The following SCFD2 variants were observed in gnomAD, a reference collection of about 807,000 sequenced individuals.
SCFD2 encodes sec1 family domain-containing protein 2.
A neutral mutation model predicts 58.9 loss-of-function variants in SCFD2; 54 were observed. The observed-to-expected ratio is 0.92, with a 90% CI of 0.74 to 1.15. The LOEUF is 1.15. Among genes scored for constraint, SCFD2 ranks in the 50% most tolerant of loss-of-function variants. The pLI, the probability that SCFD2 is intolerant of heterozygous loss-of-function variation, is 0.00. For missense variants in SCFD2, 805 were observed against 836.6 expected, an observed-to-expected ratio of 0.96 and a Z score of 0.47; for synonymous variants, 321 against 335.9, an observed-to-expected ratio of 0.96 and a Z score of 0.49.
At chr4:53,332,671 C>G (rs559330356) in intron 2 of SCFD2, among the ~76,000 whole-genome samples, 56 of 152,220 alleles carry the variant, frequency 3.7e-4, no homozygotes, top group African/African-American at 1.2e-3. Flanking sequence ...GGAAGCATTC[C>G]TTTTGAAAAC....
intron 5 of SCFD2, among the ~76,000 whole-genome samples, chr4:52,940,258 A>G (rs1577843763): frequency 6.6e-6 from 1 of 152,004 alleles, no homozygotes; most frequent in East Asian, 1.9e-4. Flanking sequence ...CCCCTTTAAA[A>G]CCCAGCCAAG....
Position 53,058,414 on chromosome 4 carries a change from TACATATAA to T in SCFD2, c.1561+86911_1561+86918del. 2.6e-5 allele frequency among the ~76,000 whole-genome samples: 4 copies of T among 152,224 alleles called. No homozygotes were observed. In the South Asian group the frequency reaches 8.3e-4, roughly 32 times the overall value. On this transcript the variant is annotated intron_variant, in intron 5 of 8. Coordinates refer to ENST00000401642, the MANE Select transcript of SCFD2 (RefSeq NM_152540.4). ...AGTTAACTGTATATTTAGCTTCAAA[TACATATAA>T]TGTCTCGGGGAAAGTAGCCATTTTA...
chr4:53,281,559 G>T (rs545686984), intron 3 of SCFD2, among the ~76,000 whole-genome samples: 54 of 152,240 alleles, frequency 3.5e-4, no homozygotes, highest in African/African-American at 1.3e-3. Context: ...TATGAGTTTC[G>T]TAAATAATGT....
At chr4:53,212,945 C>A (rs969232650) in intron 4 of SCFD2, among the ~76,000 whole-genome samples, 2 of 151,678 alleles carry the variant, frequency 1.3e-5, no homozygotes, top group African/African-American at 4.9e-5. Context: ...GAAAAGCCAG[C>A]AAACTAGGTG....
At chr4:53,021,990 T>C (rs1198116735) in intron 5 of SCFD2, among the ~76,000 whole-genome samples, 2 of 151,888 alleles carry the variant, frequency 1.3e-5, no homozygotes, top group African/African-American at 4.8e-5. Flanking sequence ...GTGTGAAAAA[T>C]GAGGAGGGGG....
At chr4:53,322,165 G>A (rs765604849) in intron 2 of SCFD2, among the ~76,000 whole-genome samples, 3 of 152,136 alleles carry the variant, frequency 2.0e-5, no homozygotes, top group Non-Finnish European at 4.4e-5. Context: ...TAAGTCACAG[G>A]ATGAGATAGG....
Position 52,873,714 on chromosome 4 carries a change from G to T in SCFD2, c.*255C>A, listed in dbSNP as rs1348054582. On this transcript the variant is annotated 3_prime_UTR_variant, in exon 9 of 9. Transcript: ENST00000401642. ...CAGAGGGTTAAGGATAAATGGAAAC[G>T]ATCACTAATTGGACTCGCCAAAAGA... 6.8e-6 allele frequency: 2 copies of T among 296,044 alleles called. No individual in the cohort carries two copies. Among genetic ancestry groups the T allele is most frequent in the Non-Finnish European group, 1.3e-5 (2 of 157,934 alleles). The allele number at this position is 296,044 out of a possible 1,614,324, so 18.3% of individuals were successfully genotyped here.
chr4:53,238,321 C>T (rs1349909939), intron 4 of SCFD2, among the ~76,000 whole-genome samples: 1 of 74,908 alleles, frequency 1.3e-5, no homozygotes, highest in Non-Finnish European at 2.7e-5. Flanking sequence ...CCCCCCACCT[C>T]CCTCCTGGAC....
rs188387518 is a variant in SCFD2 at position 53,175,659 on chromosome 4, C to T, written c.1312-30077G>A. Among the ~76,000 whole-genome samples, 46 of 152,276 alleles carry T rather than the reference C, an allele frequency of 3.0e-4. No homozygotes were observed. The East Asian group carries it at 8.7e-3, about 29-fold the overall frequency. ...TGACTAATTTAGGACACTTTGGCAT[C>T]TTTAAAATTGTCTCCATGAATAATT... On this transcript the variant is annotated intron_variant, in intron 4 of 8. Coordinates refer to ENST00000401642, the MANE Select transcript of SCFD2 (RefSeq NM_152540.4).
intron 5 of SCFD2, among the ~76,000 whole-genome samples, chr4:52,962,546 G>T (rs1720874826): frequency 6.6e-6 from 1 of 152,172 alleles, no homozygotes; most frequent in Non-Finnish European, 1.5e-5. Context: ...GCTGGGCTGG[G>T]AATGGGGTGG....
At chr4:53,247,867 CAAAAAAAAAAAA>C (rs35585900) in intron 4 of SCFD2, among the ~76,000 whole-genome samples, 9 of 54,510 alleles carry the variant, frequency 1.7e-4, no homozygotes, top group Non-Finnish European at 2.2e-4. Flanking sequence ...GACTCCGTCT[CAAAAAAAAAAAA>C]AAAAAAAAAA....
intron 3 of SCFD2, among the ~76,000 whole-genome samples, chr4:53,275,658 G>A (rs1252794610): frequency 1.3e-5 from 2 of 152,086 alleles, no homozygotes; most frequent in Non-Finnish European, 2.9e-5. Flanking sequence ...CCCCTTCTTG[G>A]TAGTCCATTC....
intron 8 of SCFD2, among the ~76,000 whole-genome samples, chr4:52,880,434 T>A (rs1466344987): frequency 6.6e-6 from 1 of 151,392 alleles, no homozygotes; most frequent in Non-Finnish European, 1.5e-5. Context: ...TGGCCAACAC[T>A]GTAAAACCCC....
intron 5 of SCFD2, among the ~76,000 whole-genome samples, chr4:53,000,671 G>A (rs1721843997): frequency 6.6e-6 from 1 of 152,074 alleles, no homozygotes; most frequent in Non-Finnish European, 1.5e-5. Flanking sequence ...TACTGCCCCT[G>A]GTCCTCGCTG....
At chr4:52,945,369 G>A (rs1720396367) in intron 5 of SCFD2, among the ~76,000 whole-genome samples, 1 of 152,022 alleles carries the variant, frequency 6.6e-6, no homozygotes, top group Admixed American at 6.6e-5. Context: ...AAATCTGGTT[G>A]GAATGCCTTG....
intron 3 of SCFD2, among the ~76,000 whole-genome samples, chr4:53,296,371 T>G (rs1732031777): frequency 6.6e-6 from 1 of 152,222 alleles, no homozygotes; most frequent in South Asian, 2.1e-4. Flanking sequence ...CTTGGGAGCG[T>G]GTATGTGTCC....
At chr4:52,895,244 G>T (rs1216889800) in intron 7 of SCFD2, among the ~76,000 whole-genome samples, 1 of 151,768 alleles carries the variant, frequency 6.6e-6, no homozygotes, top group East Asian at 1.9e-4. Context: ...ATAAGTATAC[G>T]TGTGCCATGT....
intron 4 of SCFD2, among the ~76,000 whole-genome samples, chr4:53,218,904 T>G (rs559224637): frequency 2.0e-5 from 3 of 152,228 alleles, no homozygotes; most frequent in Admixed American, 6.5e-5. Context: ...GGATGTCCAC[T>G]CCAGACCCTG....
intron 4 of SCFD2, among the ~76,000 whole-genome samples, chr4:53,246,952 C>T (rs1370693553): frequency 9.4e-6 from 1 of 105,908 alleles, no homozygotes; most frequent in African/African-American, 3.6e-5. Flanking sequence ...ATGGATCTGA[C>T]AAAGGTCTAA....
Sources: allele counts gnomAD v4.1 joint callset (sites outside exome capture counted in the v4.1 genomes callset), GRCh38; gene constraint gnomAD v4.1.1; transcripts MANE v1.5; gene names NCBI Gene and HGNC (gene_info 2026-07-23, HGNC 2026-07-21).